Variants in NCBP3 observed in about 807,000 individuals in gnomAD.
The protein encoded by NCBP3 is nuclear cap-binding protein subunit 3.
A neutral mutation model predicts 75.7 loss-of-function variants in NCBP3; 20 were observed. That is an observed-to-expected ratio of 0.26 (90% CI 0.19 to 0.38). The LOEUF is 0.38. NCBP3 is among the 10% of genes least tolerant of loss of function. NCBP3 has a pLI of 1.00. For missense variants in NCBP3, 678 were observed against 796.9 expected (o/e 0.85, Z 1.80); for synonymous variants, 293 against 290.5 (o/e 1.01, Z -0.09).
At chr17:3,844,281 T>C (rs1158869315) in intron 1 of NCBP3, among the ~76,000 whole-genome samples, 3 of 152,218 alleles carry the variant, frequency 2.0e-5, no homozygotes, top group South Asian at 2.1e-4. Flanking sequence ...TATAGTTTTC[T>C]TGACCTCTCT....
Position 3,818,912 on chromosome 17 carries a change from C to T in NCBP3, c.1001-340G>A, listed in dbSNP as rs770685380. Among the ~76,000 whole-genome samples the T allele has an allele frequency of 6.6e-6, 1 of 152,190 alleles. No individual in the cohort carries two copies. Among genetic ancestry groups the T allele is most frequent in the African/African-American group, 2.4e-5 (1 of 41,438 alleles). Reference sequence around the variant, plus strand: ...TTCCATGGTCATTTGCTGGCACGCACAGAGTGGCAAAAAAATCTGAGTCAC... The same window carrying T: ...TTCCATGGTCATTTGCTGGCACGCATAGAGTGGCAAAAAAATCTGAGTCAC... On this transcript the variant is annotated intron_variant, in intron 9 of 12. Coordinates refer to ENST00000389005, the MANE Select transcript of NCBP3 (RefSeq NM_001114118.3). This position sits in a 1 kb window ranked among gnomAD's most constrained non-coding sequence, Gnocchi z 4.7.
intron 2 of NCBP3, among the ~76,000 whole-genome samples, chr17:3,842,335 G>T (rs1054133533): frequency 1.3e-5 from 2 of 152,116 alleles, no homozygotes; most frequent in African/African-American, 4.8e-5. Flanking sequence ...TGAGGCAGAA[G>T]AATCGCTGGA....
At chr17:3,840,330 G>C in intron 2 of NCBP3, 125 bp from the exon 3 acceptor site, 1 of 722,332 alleles carries the variant, frequency 1.4e-6, no homozygotes, top group Non-Finnish European at 2.4e-6. Flanking sequence ...ACTACACCTT[G>C]AATCAGTCTG....
rs1016996152 is a variant in NCBP3, at chr17:3,805,395, A to G, written c.*7649T>C. ...TCATATGTTGAAGCCCTAACCCCCA[A>G]TGTGGCTCTTCTTGGACATATGGCT... On this transcript the variant is annotated 3_prime_UTR_variant, in exon 13 of 13. Coordinates refer to ENST00000389005, the MANE Select transcript of NCBP3 (RefSeq NM_001114118.3). 2.6e-5 allele frequency: 4 copies of G among 152,208 alleles called. No individual in the cohort carries two copies. Among genetic ancestry groups the G allele is most frequent in the African/African-American group, 4.8e-5 (2 of 41,448 alleles). 9.4% of individuals were successfully genotyped at this position (152,208 alleles called of 1,614,324 possible). A position where few individuals can be genotyped will look rare whatever the true frequency, so the allele number is the denominator to read the frequency against.
At position 3,846,117 on chromosome 17, in the gene NCBP3, T is replaced by G. The variant is rs12449334; in HGVS notation, c.107A>C (p.Glu36Ala). The change falls in exon 1 of 13, where the codon GAG (glutamate) becomes GCG (alanine). Residue 36 changes from glutamate (E) to alanine (A), a missense_variant. Coordinates refer to ENST00000389005, the MANE Select transcript of NCBP3 (RefSeq NM_001114118.3). This position sits in a 1 kb window ranked among gnomAD's most constrained non-coding sequence, Gnocchi z 4.6. Reference sequence around the variant, plus strand: ...CTCCTCCACCTCCATGGGCTCCGGCTCGCCACGGTCAACACCGGACTCCGC... The same window carrying G: ...CTCCTCCACCTCCATGGGCTCCGGCGCGCCACGGTCAACACCGGACTCCGC... Reference protein sequence around the residue: ...PEAESGVDRGEPEPMEVEEGE... With the variant: ...PEAESGVDRGAPEPMEVEEGE... 0.017 allele frequency: 25,655 copies of G among 1,547,942 alleles called. 1,222 individuals carry two copies. The East Asian group carries it at 0.17, about 10-fold the overall frequency.
chr17:3,826,362 A>G (rs2053783385), intron 4 of NCBP3, 147 bp from the exon 5 acceptor site: 1 of 811,648 alleles, frequency 1.2e-6, no homozygotes, highest in Non-Finnish European at 1.8e-6. Flanking sequence ...GAAGAGAAAT[A>G]TAGACCAGGC....
At chr17:3,827,802 A>G (rs1425085119) in intron 4 of NCBP3, among the ~76,000 whole-genome samples, 1 of 152,256 alleles carries the variant, frequency 6.6e-6, no homozygotes, top group Non-Finnish European at 1.5e-5. Context: ...TTAGTAAACT[A>G]TAACCCTCAA....
At position 3,806,136 on chromosome 17, in the gene NCBP3, T is replaced by C. The variant is rs1013084708; in HGVS notation, c.*6908A>G. On this transcript the variant is annotated 3_prime_UTR_variant, in exon 13 of 13. Transcript: ENST00000389005. ...CTCTGTCGCCCAGGCTGGAGCGCAG[T>C]GGCGCGATCTCACCTCACTGCAACC... The C allele has an allele frequency of 6.6e-6, 1 of 151,130 alleles. No homozygotes were observed. Among genetic ancestry groups the C allele is most frequent in the Non-Finnish European group, 1.5e-5 (1 of 68,082 alleles). 9.4% of individuals were successfully genotyped at this position (151,130 alleles called of 1,614,324 possible). A position where few individuals can be genotyped will look rare whatever the true frequency, so the allele number is the denominator to read the frequency against.
rs1278246942 is a variant in NCBP3, at chr17:3,804,773, C to T, written c.*8271G>A. Reference sequence around the variant, plus strand: ...TGCCCTGCTCAGTGCCAAGGCCTCACATGCGAGCCCTCATCTGAGCCTCTC... The same window carrying T: ...TGCCCTGCTCAGTGCCAAGGCCTCATATGCGAGCCCTCATCTGAGCCTCTC... On this transcript the variant is annotated 3_prime_UTR_variant, in exon 13 of 13. Coordinates refer to ENST00000389005, the MANE Select transcript of NCBP3 (RefSeq NM_001114118.3). 6.6e-6 allele frequency: 1 copy of T among 152,220 alleles called. No individual in the cohort carries two copies. The highest frequency in any genetic ancestry group is 1.5e-5 in the Non-Finnish European group (1 of 68,068). 9.4% of individuals were successfully genotyped at this position (152,220 alleles called of 1,614,324 possible). A position where few individuals can be genotyped will look rare whatever the true frequency, so the allele number is the denominator to read the frequency against.
In NCBP3 at chr17:3,808,183, A is replaced by G. The variant is rs2053356524; in HGVS notation, c.*4861T>C. ...CTAAATGTGGTTCTAACACCCCAAAACAAGTGATTTTTGCACAACACAGCC... is the reference window on the plus strand; with the variant it reads ...CTAAATGTGGTTCTAACACCCCAAAGCAAGTGATTTTTGCACAACACAGCC... On this transcript the variant is annotated 3_prime_UTR_variant, in exon 13 of 13. Coordinates refer to ENST00000389005, the MANE Select transcript of NCBP3 (RefSeq NM_001114118.3). 2 of 152,272 alleles carry G rather than the reference A, an allele frequency of 1.3e-5. No individual in the cohort carries two copies. Among genetic ancestry groups the G allele is most frequent in the South Asian group, 2.1e-4 (1 of 4,824 alleles). 9.4% of individuals were successfully genotyped at this position (152,272 alleles called of 1,614,324 possible). A position where few individuals can be genotyped will look rare whatever the true frequency, so the allele number is the denominator to read the frequency against.
chr17:3,840,046 G>A, intron 3 of NCBP3, 54 bp downstream of exon 3: 2 of 1,410,270 alleles, frequency 1.4e-6, no homozygotes, highest in Non-Finnish European at 2.0e-6. Context: ...TGATGGCAGG[G>A]AAAAGGCACT....
At chr17:3,830,517 CT>C in intron 3 of NCBP3, among the ~76,000 whole-genome samples, 1 of 152,206 alleles carries the variant, frequency 6.6e-6, no homozygotes, top group East Asian at 1.9e-4. Flanking sequence ...ACACTGATAA[CT>C]GCTGTTACTT....
chr17:3,823,875 G>C (rs1281826565), intron 7 of NCBP3: 1 of 152,186 alleles, frequency 6.6e-6, no homozygotes, highest in Non-Finnish European at 1.5e-5. Flanking sequence ...CTCTGGAAAT[G>C]ACATGACATC....
chr17:3,814,570 C>A, intron 11 of NCBP3, 87 bp from the exon 12 acceptor site: 1 of 1,397,658 alleles, frequency 7.2e-7, no homozygotes. Flanking sequence ...GGATCTGGCG[C>A]TAACCCCTGC....
At chr17:3,829,419 G>C in intron 3 of NCBP3, 51 bp from the exon 4 acceptor site, 2 of 1,539,726 alleles carry the variant, frequency 1.3e-6, no homozygotes, top group South Asian at 2.4e-5. Context: ...GTCCGCAACT[G>C]CACATCCCAT....
chr17:3,845,122 G>A (rs759818123), intron 1 of NCBP3, among the ~76,000 whole-genome samples: 1 of 152,112 alleles, frequency 6.6e-6, no homozygotes, highest in Non-Finnish European at 1.5e-5. Context: ...CTGAATAGCT[G>A]GCACTAAAGG....
rs2053344940 is a variant in NCBP3 at position 3,807,113 on chromosome 17, A to G, written c.*5931T>C. 1 of 152,232 alleles carries G rather than the reference A, an allele frequency of 6.6e-6. No individual in the cohort carries two copies. The highest frequency in any genetic ancestry group is 2.1e-4 in the South Asian group (1 of 4,834). The allele number at this position is 152,232 out of a possible 1,614,324, so 9.4% of individuals were successfully genotyped here. ...TTTGAGGAATGCTGCTTTAGGCAAA[A>G]GAGCCACTGGAGGAATGAGCTCTGC... On this transcript the variant is annotated 3_prime_UTR_variant, in exon 13 of 13. Coordinates refer to ENST00000389005, the MANE Select transcript of NCBP3 (RefSeq NM_001114118.3).
intron 3 of NCBP3, among the ~76,000 whole-genome samples, chr17:3,836,654 CAAA>C (rs56253811): frequency 3.1e-4 from 28 of 90,236 alleles, no homozygotes; most frequent in Middle Eastern, 5.1e-3. Flanking sequence ...CTCCGTCTCT[CAAA>C]AAAAAAAAAA....
chr17:3,839,175 C>G (rs912271165), intron 3 of NCBP3, among the ~76,000 whole-genome samples: 2 of 152,032 alleles, frequency 1.3e-5, no homozygotes, highest in Non-Finnish European at 2.9e-5. Context: ...TACAATAATT[C>G]GGGGTGAGTT....
Sources: allele counts gnomAD v4.1 joint callset (sites outside exome capture counted in the v4.1 genomes callset), GRCh38; gene constraint gnomAD v4.1.1; non-coding constraint Gnocchi (gnomAD v3.1); transcripts MANE v1.5; gene names NCBI Gene and HGNC (gene_info 2026-07-23, HGNC 2026-07-21).